Variants in B3GALT1 observed in about 807,000 individuals in gnomAD.
The protein encoded by B3GALT1 is UDP-Gal:betaGlcNAc beta 1,3-galactosyltransferase, polypeptide 1.
Under a neutral mutation model 23.2 loss-of-function variants are expected in B3GALT1, and 10 were observed. The ratio of observed to expected loss-of-function variants is 0.43; its 90% CI spans 0.27 to 0.73. B3GALT1 has a LOEUF of 0.73. Among genes scored for constraint, B3GALT1 ranks in the 30% least tolerant of loss-of-function variants. The pLI, the probability that B3GALT1 is intolerant of heterozygous loss-of-function variation, is 0.21. For missense variants in B3GALT1, 299 were observed against 405.4 expected (o/e 0.74, Z 2.25); for synonymous variants, 156 against 141.5 (o/e 1.10, Z -0.73).
Position 167,640,554 on chromosome 2 carries a change from T to TC in B3GALT1, c.-409-6355_-409-6354insC, listed in dbSNP as rs1393486831. Among the ~76,000 whole-genome samples the TC allele has an allele frequency of 1.1e-3, 84 of 74,724 alleles. 1 individual carries two copies. The Admixed American group carries it at 0.012, about 11-fold the overall frequency. 49.0% of individuals were successfully genotyped at this position (74,724 alleles called of 152,430 possible). ...GTTTTACTGTAAGTTTGATTTTTTT[T>TC]TCCCCCTCAGAATCAACCCTCTGCA... On this transcript the variant is annotated intron_variant, in intron 2 of 4. Transcript: ENST00000392690.
chr2:167,839,551 A>ATTCCATGCT (rs1218315674), intron 4 of B3GALT1, among the ~76,000 whole-genome samples: 1 of 152,282 alleles, frequency 6.6e-6, no homozygotes, highest in East Asian at 1.9e-4. Flanking sequence ...ATGGAAGAAC[A>ATTCCATGCT]TTCCATGCTC....
intron 2 of B3GALT1, among the ~76,000 whole-genome samples, chr2:167,522,504 G>A (rs918487005): frequency 5.3e-5 from 8 of 151,924 alleles, no homozygotes; most frequent in African/African-American, 1.2e-4. Flanking sequence ...GCCAATATCC[G>A]AGATGTTCAT....
chr2:167,659,684 A>G (rs796941943), intron 3 of B3GALT1, among the ~76,000 whole-genome samples: 20 of 152,044 alleles, frequency 1.3e-4, no homozygotes, highest in African/African-American at 4.8e-4. Context: ...CATTTTAGCC[A>G]CTCCAGTTGT....
intron 4 of B3GALT1, among the ~76,000 whole-genome samples, chr2:167,826,778 A>G (rs1392276907): frequency 1.3e-5 from 2 of 152,238 alleles, no homozygotes; most frequent in African/African-American, 4.8e-5. Context: ...AAAAGATAAT[A>G]TAAGTAAAAA....
chr2:167,803,084 AC>A, intron 3 of B3GALT1, among the ~76,000 whole-genome samples: 1 of 41,376 alleles, frequency 2.4e-5, no homozygotes, highest in Non-Finnish European at 9.2e-5. Flanking sequence ...CCTAACAAAC[AC>A]ACACACACAC....
intron 1 of B3GALT1, among the ~76,000 whole-genome samples, chr2:167,338,883 C>A (rs1024609480): frequency 1.3e-5 from 2 of 151,930 alleles, no homozygotes; most frequent in African/African-American, 4.8e-5. Flanking sequence ...ATATAAAAAT[C>A]CTCCAATAAA....
intron 2 of B3GALT1, among the ~76,000 whole-genome samples, chr2:167,520,402 C>A (rs1238546914): frequency 6.6e-6 from 1 of 152,136 alleles, no homozygotes; most frequent in Non-Finnish European, 1.5e-5. Context: ...AAAACTCTCC[C>A]AAAATTGCTC....
At chr2:167,321,624 A>G (rs769054270) in intron 1 of B3GALT1, among the ~76,000 whole-genome samples, 1 of 152,066 alleles carries the variant, frequency 6.6e-6, no homozygotes, top group African/African-American at 2.4e-5. Context: ...TGGAGAAAAC[A>G]TCTCTCTACT....
chr2:167,615,496 A>T (rs1374586687), intron 2 of B3GALT1, among the ~76,000 whole-genome samples: 1 of 152,034 alleles, frequency 6.6e-6, no homozygotes, highest in Non-Finnish European at 1.5e-5. Context: ...ACAGTTAATA[A>T]TAATGTATTG....
At chr2:167,579,999 T>C (rs73026072) in intron 2 of B3GALT1, among the ~76,000 whole-genome samples, 9,217 of 152,148 alleles carry the variant, frequency 0.061, 655 homozygotes, top group African/African-American at 0.17. Context: ...ATTGACAAAT[T>C]AGGTTAATGC....
chr2:167,370,690 G>A (rs1916749), intron 1 of B3GALT1, among the ~76,000 whole-genome samples: 122,128 of 152,082 alleles, frequency 0.8, 50,986 homozygotes, highest in East Asian at 0.92. Context: ...TTATTAGTAG[G>A]CCGAGGTGGG....
chr2:167,432,209 GAT>G (rs1698716808), intron 1 of B3GALT1, among the ~76,000 whole-genome samples: 1 of 152,162 alleles, frequency 6.6e-6, no homozygotes, highest in African/African-American at 2.4e-5. Flanking sequence ...CTGCAGTAAT[GAT>G]GACTGCAGAG....
At chr2:167,826,986 C>G (rs1369039574) in intron 4 of B3GALT1, among the ~76,000 whole-genome samples, 1 of 152,178 alleles carries the variant, frequency 6.6e-6, no homozygotes, top group Non-Finnish European at 1.5e-5. Context: ...CTAAGGATGA[C>G]AGTATTGGTA....
Position 167,869,509 on chromosome 2 carries a change from T to C in B3GALT1, c.470T>C (p.Leu157Ser). 6.2e-7 allele frequency: 1 copy of C among 1,613,846 alleles called. No homozygotes were observed. The highest frequency in any genetic ancestry group is 8.5e-7 in the Non-Finnish European group (1 of 1,179,972). Residue 157 changes from leucine (L) to serine (S), a missense_variant, in exon 5 of 5, where the codon TTA becomes TCA. Transcript: ENST00000392690. The surrounding 1 kb of genome is among the most constrained non-coding windows in gnomAD (Gnocchi z 6.4). The part of the protein sequence containing the change: ...DSYHNLTLKT[L>S]MGMRWVATFC... Reference sequence around the variant, plus strand: ...TACCATAACCTTACCCTCAAAACATTAATGGGGATGAGATGGGTGGCCACT... The same window carrying C: ...TACCATAACCTTACCCTCAAAACATCAATGGGGATGAGATGGGTGGCCACT...
At chr2:167,598,770 T>C (rs772405956) in intron 2 of B3GALT1, among the ~76,000 whole-genome samples, 11 of 152,200 alleles carry the variant, frequency 7.2e-5, no homozygotes, top group Admixed American at 1.3e-4. Context: ...ATAGGGCTCT[T>C]TGCAACAATA....
intron 3 of B3GALT1, among the ~76,000 whole-genome samples, chr2:167,812,955 A>G (rs1464745039): frequency 6.8e-6 from 1 of 147,924 alleles, no homozygotes; most frequent in Non-Finnish European, 1.5e-5. Context: ...CAAGACATAC[A>G]TGCATACACA....
intron 2 of B3GALT1, among the ~76,000 whole-genome samples, chr2:167,605,013 C>A (rs1684938976): frequency 1.3e-5 from 2 of 152,156 alleles, no homozygotes; most frequent in African/African-American, 4.8e-5. Flanking sequence ...ACAGTGCGTA[C>A]AATGGAAAGA....
At chr2:167,664,734 G>A (rs998151156) in intron 3 of B3GALT1, among the ~76,000 whole-genome samples, 1 of 151,992 alleles carries the variant, frequency 6.6e-6, no homozygotes, top group Non-Finnish European at 1.5e-5. Context: ...ATTGTGAATG[G>A]AAGTTCACTC....
At chr2:167,622,895 C>A (rs1282834536) in intron 2 of B3GALT1, among the ~76,000 whole-genome samples, 1 of 151,862 alleles carries the variant, frequency 6.6e-6, no homozygotes, top group Non-Finnish European at 1.5e-5. Context: ...AGATTAGTTA[C>A]AAAAATGACT....
Sources: gnomAD v4.1 joint callset for allele counts (sites outside exome capture counted in the v4.1 genomes callset) on GRCh38, gnomAD v4.1.1 for gene constraint, Gnocchi (gnomAD v3.1) non-coding constraint, MANE v1.5 for transcripts, NCBI Gene and HGNC (gene_info 2026-07-23, HGNC 2026-07-21) for gene names.